The following ENG variants were observed in gnomAD, a reference collection of about 807,000 sequenced individuals.
ENG encodes the protein CD105 antigen.
A neutral mutation model predicts 71.0 loss-of-function variants in ENG; 17 were observed. The ratio of observed to expected loss-of-function variants is 0.24; its 90% CI spans 0.16 to 0.36. The LOEUF (loss-of-function observed/expected upper bound fraction) is 0.36. Ranked by LOEUF, ENG falls within the 10% of genes least tolerant of loss-of-function variation. ENG has a pLI of 1.00. For missense variants in ENG, 749 were observed against 868.3 expected (o/e 0.86, Z 1.73); for synonymous variants, 360 against 366.9 (o/e 0.98, Z 0.21).
At position 127,838,689 on chromosome 9, in the gene ENG, C is replaced by G. The variant is rs568182371; in HGVS notation, c.219+4405G>C. 2.0e-5 allele frequency among the ~76,000 whole-genome samples: 3 copies of G among 152,182 alleles called. No individual in the cohort carries two copies. The highest frequency in any genetic ancestry group is 4.4e-5 in the Non-Finnish European group (3 of 68,032). On this transcript the variant is annotated intron_variant, in intron 2 of 14. Coordinates refer to ENST00000373203, the MANE Select transcript of ENG (RefSeq NM_001114753.3). This position sits in a 1 kb window ranked among gnomAD's most constrained non-coding sequence, Gnocchi z 4.3. ...AGGATAGCAGATCGGCCCAGTCAGC[C>G]TGACGGGAATTGCTGAGACACCAGG...
chr9:127,844,341 C>T (rs1305608538), intron 1 of ENG, among the ~76,000 whole-genome samples: 6 of 150,958 alleles, frequency 4.0e-5, no homozygotes, highest in Admixed American at 6.6e-5. Context: ...TGGTCAGGCT[C>T]GTCTTGAACT....
In ENG at chr9:127,815,390, A is replaced by G; in HGVS notation, c.*292T>C. Reference sequence around the variant, plus strand: ...TTCACCAGTGCTGGATCCAGGTTCAAATGACAGGGACTTGGGTTTTTACAA... The same window carrying G: ...TTCACCAGTGCTGGATCCAGGTTCAGATGACAGGGACTTGGGTTTTTACAA... On this transcript the variant is annotated 3_prime_UTR_variant, in exon 15 of 15. Coordinates refer to ENST00000373203, the MANE Select transcript of ENG (RefSeq NM_001114753.3). The G allele has an allele frequency of 2.2e-6, 1 of 460,428 alleles. No homozygotes were observed. Among genetic ancestry groups the G allele is most frequent in the South Asian group, 3.3e-5 (1 of 30,250 alleles). 28.5% of individuals were successfully genotyped at this position (460,428 alleles called of 1,614,324 possible).
intron 3 of ENG, among the ~76,000 whole-genome samples, chr9:127,828,171 T>C (rs1421628572): frequency 2.6e-5 from 4 of 151,954 alleles, no homozygotes; most frequent in African/African-American, 9.7e-5. Flanking sequence ...GAATGGCCCA[T>C]CTAGAAGGAA....
intron 1 of ENG, among the ~76,000 whole-genome samples, chr9:127,843,562 A>G (rs1369773297): frequency 4.6e-5 from 7 of 151,378 alleles, no homozygotes; most frequent in African/African-American, 9.7e-5. Flanking sequence ...CAAATATTGC[A>G]TGGAACGTAC....
chr9:127,817,888 G>A (rs944923743), intron 12 of ENG: 3 of 614,006 alleles, frequency 4.9e-6, no homozygotes, highest in East Asian at 2.8e-5. Flanking sequence ...ATGGATAGAT[G>A]GACAGTGGCA....
At position 127,824,432 on chromosome 9, in the gene ENG, T is replaced by C; in HGVS notation, c.1006A>G (p.Thr336Ala). ...GTGGTCTGGATCGGTGCGGGTGAGG[T>C]CTGCAGCCTACCACCTGTGGGGTAG... ...HASSCGGRLQ[T>A]SPAPIQTTPP... Residue 336 changes from threonine to alanine, a missense_variant, in exon 8 of 15, where the codon ACC (threonine) becomes GCC (alanine). Physicochemically the swap from Thr to Ala is moderately conservative, Grantham distance 58. Coordinates refer to ENST00000373203, the MANE Select transcript of ENG (RefSeq NM_001114753.3). 4.3e-6 allele frequency: 7 copies of C among 1,613,100 alleles called. No homozygotes were observed. Among genetic ancestry groups the C allele is most frequent in the Non-Finnish European group, 5.9e-6 (7 of 1,179,752 alleles).
At chr9:127,830,756 A>G (rs1217547897) in intron 2 of ENG, among the ~76,000 whole-genome samples, 1 of 151,998 alleles carries the variant, frequency 6.6e-6, no homozygotes, top group Non-Finnish European at 1.5e-5. Flanking sequence ...TGTCCTGTGC[A>G]TGGAGGCAGC....
In ENG at chr9:127,825,738, T is replaced by C. The variant is rs1830597676; in HGVS notation, c.646A>G (p.Lys216Glu). ...AGGACCCTCAGGATGTGCGCCTCCT[T>C]GTGGCCGGCCACGCCTTCCAAGTGG... ...GCHLEGVAGH[K>E]EAHILRVLPG... The change falls in exon 5 of 15, where the codon AAG (lysine) becomes GAG (glutamate). Residue 216 changes from lysine to glutamate, a missense_variant. Lys to Glu is a moderately conservative substitution (Grantham distance 56, BLOSUM62 1). Transcript: ENST00000373203. 1 of 1,599,800 alleles carries C rather than the reference T, an allele frequency of 6.3e-7. No homozygotes were observed.
intron 2 of ENG, among the ~76,000 whole-genome samples, chr9:127,837,907 C>T (rs528211921): frequency 6.6e-6 from 1 of 152,118 alleles, no homozygotes; most frequent in Non-Finnish European, 1.5e-5. Flanking sequence ...CCTGTCTGAC[C>T]CTCCCCAACC....
At chr9:127,840,631 A>C (rs1343596964) in intron 2 of ENG, among the ~76,000 whole-genome samples, 1 of 152,230 alleles carries the variant, frequency 6.6e-6, no homozygotes, top group African/African-American at 2.4e-5. Flanking sequence ...TGTGTCTACC[A>C]GCAAGTGGGG....
intron 11 of ENG, 143 bp downstream of exon 11, chr9:127,818,573 C>G (rs1214695963): frequency 5.9e-6 from 8 of 1,361,110 alleles, no homozygotes; most frequent in Non-Finnish European, 7.3e-6. Context: ...AATGCCTTCT[C>G]TGTCTCTCCC....
chr9:127,825,068 T>C (rs1358562127), intron 6 of ENG, 94 bp from the exon 7 acceptor site: 5 of 1,584,312 alleles, frequency 3.2e-6, no homozygotes, highest in Admixed American at 3.4e-5. Context: ...GGTCCTGCTG[T>C]GTCCCCACTC....
intron 2 of ENG, among the ~76,000 whole-genome samples, chr9:127,830,492 A>G (rs908573042): frequency 6.6e-6 from 1 of 151,758 alleles, no homozygotes; most frequent in Non-Finnish European, 1.5e-5. Context: ...AAAATACAAA[A>G]AATTAGCCAG....
chr9:127,824,446 C>T lies in ENG; in HGVS notation c.992G>A (p.Gly331Asp). ...TGCGGGTGAGGTCTGCAGCCTACCA[C>T]CTGTGGGGTAGCAGAGGCAGGCCAG... ...SIVSLHASSC[G>D]GRLQTSPAPI... Residue 331 changes from glycine to aspartate, a missense_variant and splice_region_variant, in exon 8 of 15, where the codon GGT becomes GAT. Coordinates refer to ENST00000373203, the MANE Select transcript of ENG (RefSeq NM_001114753.3). 3 of 1,613,150 alleles carry T rather than the reference C, an allele frequency of 1.9e-6. No homozygotes were observed. The highest frequency in any genetic ancestry group is 2.5e-6 in the Non-Finnish European group (3 of 1,179,802).
chr9:127,844,370 G>T (rs920978224), intron 1 of ENG, among the ~76,000 whole-genome samples: 1 of 151,686 alleles, frequency 6.6e-6, no homozygotes, highest in African/African-American at 2.4e-5. Context: ...CAGGTGATCC[G>T]CCTGCCTTGG....
chr9:127,848,570 C>T (rs1189150257), intron 1 of ENG, among the ~76,000 whole-genome samples: 1 of 152,242 alleles, frequency 6.6e-6, no homozygotes, highest in African/African-American at 2.4e-5. Flanking sequence ...AGGCATGAGC[C>T]ACCATGCCCA....
chr9:127,843,916 C>T (rs1831112040), intron 1 of ENG, among the ~76,000 whole-genome samples: 1 of 146,096 alleles, frequency 6.8e-6, no homozygotes, highest in East Asian at 2.0e-4. Context: ...GGATTATAGG[C>T]ATGCACCACC....
intron 2 of ENG, among the ~76,000 whole-genome samples, chr9:127,830,340 TAAAA>T (rs141738433): frequency 4.5e-5 from 3 of 66,872 alleles, no homozygotes; most frequent in African/African-American, 5.7e-5. Flanking sequence ...AGACTCCATC[TAAAA>T]AAAAAAAAAA....
chr9:127,827,368 A>G (rs891357225), intron 3 of ENG, among the ~76,000 whole-genome samples: 1 of 152,260 alleles, frequency 6.6e-6, no homozygotes, highest in East Asian at 1.9e-4. Context: ...CAAAGGAGCC[A>G]GACAGATCTC....
Sources: gnomAD v4.1 joint callset for allele counts (sites outside exome capture counted in the v4.1 genomes callset) on GRCh38, gnomAD v4.1.1 for gene constraint, Gnocchi (gnomAD v3.1) non-coding constraint, MANE v1.5 for transcripts, NCBI Gene and HGNC (gene_info 2026-07-23, HGNC 2026-07-21) for gene names.